OR14I1: variants seen among roughly 807,000 people sequenced by gnomAD.
The protein encoded by OR14I1 is olfactory receptor family 14 subfamily I member 1, also known as olfactory receptor 14I1.
For synonymous variants in OR14I1, 118 were observed against 71.1 expected (o/e 1.66, Z -3.32); for missense variants, 279 against 181.8 (o/e 1.53, Z -3.07).
the OR14I1 span, chr1:248,697,337 G>C: frequency 1.3e-5 from 2 of 152,126 alleles, no homozygotes; most frequent in African/African-American, 4.8e-5. Context: ...GTCTGACTCT[G>C]TAAATATGTC....
downstream of OR14I1, among the ~76,000 whole-genome samples, chr1:248,680,835 T>G (rs184182499): frequency 6.6e-6 from 1 of 152,152 alleles, no homozygotes; most frequent in Non-Finnish European, 1.5e-5. Flanking sequence ...TTTCTAAAAA[T>G]AACTAAGTGA....
upstream of OR14I1, among the ~76,000 whole-genome samples, chr1:248,686,851 G>C (rs1433736907): frequency 2.6e-5 from 4 of 152,194 alleles, no homozygotes; most frequent in Non-Finnish European, 5.9e-5. Context: ...GTTTTCCTCT[G>C]TGTCTCACCA....
the OR14I1 span, among the ~76,000 whole-genome samples, chr1:248,701,188 A>G: frequency 9.2e-5 from 14 of 152,014 alleles, no homozygotes; most frequent in East Asian, 1.9e-4. Context: ...GTCTCTCTCT[A>G]TCACCCAGGC....
At chr1:248,682,016 C>T (rs745542343) in exon 1 of OR14I1, 3 of 780,924 alleles carry the variant, frequency 3.8e-6, no homozygotes. Flanking sequence ...TAGACTTGAG[C>T]CACACAGCCA....
upstream of OR14I1, among the ~76,000 whole-genome samples, chr1:248,684,904 A>G (rs2103134673): frequency 6.6e-6 from 1 of 152,218 alleles, no homozygotes; most frequent in African/African-American, 2.4e-5. Context: ...TAATATTTTA[A>G]CAGTTAAGAT....
At chr1:248,680,116 T>C (rs1362345339), downstream of OR14I1, among the ~76,000 whole-genome samples, 1 of 152,220 alleles carries the variant, frequency 6.6e-6, no homozygotes, top group Non-Finnish European at 1.5e-5. Context: ...GTAACTTTTT[T>C]CCTTGTTTTA....
chr1:248,682,116 G>A (rs1468921112), exon 1 of OR14I1: 2 of 780,936 alleles, frequency 2.6e-6, no homozygotes, highest in Non-Finnish European at 4.8e-6. Flanking sequence ...AAACGGAGAG[G>A]TTCTTCAGGA....
upstream of OR14I1, among the ~76,000 whole-genome samples, chr1:248,684,074 A>T (rs544051543): frequency 5.3e-5 from 8 of 152,340 alleles, no homozygotes; most frequent in Admixed American, 5.2e-4. Context: ...ACACAAAGTC[A>T]AGTGACGAGC....
the OR14I1 span, among the ~76,000 whole-genome samples, chr1:248,691,377 G>C: frequency 2.0e-5 from 3 of 152,186 alleles, no homozygotes; most frequent in African/African-American, 7.2e-5. Flanking sequence ...TGAGGTGCCA[G>C]AATTGCACTA....
the OR14I1 span, among the ~76,000 whole-genome samples, chr1:248,690,809 A>G: frequency 9.2e-5 from 14 of 152,136 alleles, no homozygotes; most frequent in Non-Finnish European, 1.9e-4. Context: ...TTTCACACCA[A>G]TATCGCTGAT....
chr1:248,701,316 T>C, the OR14I1 span, among the ~76,000 whole-genome samples: 1 of 152,158 alleles, frequency 6.6e-6, no homozygotes, highest in South Asian at 2.1e-4. Flanking sequence ...CACATCCGGC[T>C]AATTTTTGTA....
the OR14I1 span, among the ~76,000 whole-genome samples, chr1:248,700,426 G>T: frequency 2.2e-4 from 33 of 152,146 alleles, no homozygotes; most frequent in Non-Finnish European, 4.4e-5. Context: ...GATTAGTTGT[G>T]CAATACAAGA....
downstream of OR14I1, among the ~76,000 whole-genome samples, chr1:248,678,241 G>C (rs910441848): frequency 2.6e-5 from 4 of 152,326 alleles, no homozygotes; most frequent in African/African-American, 7.2e-5. Flanking sequence ...ATCTAATGTA[G>C]TCATGAGGGT....
At chr1:248,702,549 C>T in the OR14I1 span, among the ~76,000 whole-genome samples, 6 of 152,264 alleles carry the variant, frequency 3.9e-5, no homozygotes, top group East Asian at 1.2e-3. Context: ...GCCACCACCT[C>T]GATCCAAGCC....
the OR14I1 span, among the ~76,000 whole-genome samples, chr1:248,689,679 A>C: frequency 9.9e-5 from 15 of 152,148 alleles, no homozygotes; most frequent in Non-Finnish European, 1.9e-4. Context: ...TGAGACAGAA[A>C]ATTAACAGGC....
the OR14I1 span, among the ~76,000 whole-genome samples, chr1:248,689,068 A>G: frequency 5.9e-5 from 9 of 152,280 alleles, no homozygotes; most frequent in South Asian, 1.9e-3. Flanking sequence ...AAATACAGGT[A>G]AACTTCTTGG....
exon 1 of OR14I1, chr1:248,681,954 A>G (rs545031528): frequency 1.3e-6 from 1 of 781,108 alleles, no homozygotes; most frequent in South Asian, 1.3e-5. Flanking sequence ...AGCGGTCATA[A>G]GACATGACAG....
the OR14I1 span, among the ~76,000 whole-genome samples, chr1:248,693,505 G>A: frequency 2.0e-5 from 3 of 151,124 alleles, no homozygotes; most frequent in South Asian, 4.1e-4. Context: ...TTTTTGATAA[G>A]ATAAAAGAGT....
chr1:248,682,774 A>T (rs185876632), upstream of OR14I1, among the ~76,000 whole-genome samples: 127 of 152,356 alleles, frequency 8.3e-4, no homozygotes, highest in Middle Eastern at 3.4e-3. Flanking sequence ...GGCAGAGTCA[A>T]CTGTCTTTAG....
Sources: allele counts gnomAD v4.1 joint callset (sites outside exome capture counted in the v4.1 genomes callset), GRCh38; gene constraint gnomAD v4.1.1; transcripts MANE v1.5; gene names NCBI Gene and HGNC (gene_info 2026-07-23, HGNC 2026-07-21).